Variants in ATP1A3 observed in about 807,000 individuals in gnomAD.
ATP1A3 encodes ATPase Na+/K+ transporting subunit alpha 3.
ATP1A3 carries 12 observed loss-of-function variants against 108.8 expected under a neutral mutation model. The ratio of observed to expected loss-of-function variants is 0.11; its 90% CI spans 0.07 to 0.18. ATP1A3 has a LOEUF of 0.18. Ranked by LOEUF, ATP1A3 falls within the 10% of genes least tolerant of loss-of-function variation. The pLI, the probability that ATP1A3 is intolerant of heterozygous loss-of-function variation, is 1.00. For synonymous variants in ATP1A3, 539 were observed against 564.5 expected, an observed-to-expected ratio of 0.95 and a Z score of 0.64; for missense variants, 498 against 1,387.7, an observed-to-expected ratio of 0.36 and a Z score of 10.19.
At position 41,968,743 on chromosome 19, in the gene ATP1A3, G is replaced by A. The variant is rs979533797; in HGVS notation, c.2819+42C>T. The A allele has an allele frequency of 5.6e-6, 9 of 1,612,314 alleles. No homozygotes were observed. The African/African-American group carries it at 1.2e-4, about 22-fold the overall frequency. ...ACACAGACAGACAGACACTCGGACA[G>A]GACAGATGGCTGTCCAGTCACCATG... On this transcript the variant is annotated intron_variant, in intron 20 of 22. Transcript: ENST00000648268. The surrounding 1 kb of genome is among the most constrained non-coding windows in gnomAD (Gnocchi z 5.0).
At position 41,967,185 on chromosome 19, in the gene ATP1A3, G is replaced by A. The variant is rs1400021897; in HGVS notation, c.3013+64C>T. On this transcript the variant is annotated intron_variant, in intron 22 of 22. Coordinates refer to ENST00000648268, the MANE Select transcript of ATP1A3 (RefSeq NM_152296.5). This position sits in a 1 kb window ranked among gnomAD's most constrained non-coding sequence, Gnocchi z 4.2. ...CATCCAGCAGGGCGAGGGGAGCCTG[G>A]GACCAGCTGCCTGAGACCCTGCTGC... is the stretch of plus-strand genomic sequence containing the variant. The A allele has an allele frequency of 6.2e-7, 1 of 1,610,586 alleles. No individual in the cohort carries two copies. The highest frequency in any genetic ancestry group is 8.5e-7 in the Non-Finnish European group (1 of 1,178,448).
rs1477721590 is a variant in ATP1A3, at chr19:41,988,950, G to A, written c.7-388C>T. Reference sequence around the variant, plus strand: ...TTGTGTTCTGTGTCTATGTGACTTTGTTTTCGTTTTTTGAAACAATGTCTC... The same window carrying A: ...TTGTGTTCTGTGTCTATGTGACTTTATTTTCGTTTTTTGAAACAATGTCTC... On this transcript the variant is annotated intron_variant, in intron 1 of 22. Coordinates refer to ENST00000648268, the MANE Select transcript of ATP1A3 (RefSeq NM_152296.5). The surrounding 1 kb of genome is among the most constrained non-coding windows in gnomAD (Gnocchi z 5.3). Among the ~76,000 whole-genome samples the A allele has an allele frequency of 6.6e-6, 1 of 152,008 alleles. No individual in the cohort carries two copies. The highest frequency in any genetic ancestry group is 1.5e-5 in the Non-Finnish European group (1 of 68,014).
Position 41,976,401 on chromosome 19 carries a change from G to A in ATP1A3, c.2094+15C>T, listed in dbSNP as rs782378908. Reference sequence around the variant, plus strand: ...GTCAAGGCCCCGTCCCCTCCTCTGCGGGAGCGCAGCCCACCTGTCTCTGAC... The same window carrying A: ...GTCAAGGCCCCGTCCCCTCCTCTGCAGGAGCGCAGCCCACCTGTCTCTGAC... On this transcript the variant is annotated intron_variant, in intron 15 of 22. Coordinates refer to ENST00000648268, the MANE Select transcript of ATP1A3 (RefSeq NM_152296.5). The A allele has an allele frequency of 1.2e-5, 20 of 1,613,932 alleles. No homozygotes were observed. In the East Asian group the frequency reaches 1.3e-4, roughly 11 times the overall value.
chr19:41,985,331 G>C lies in ATP1A3; in HGVS notation c.699C>G (p.Thr233=). 2 of 1,614,234 alleles carry C rather than the reference G, an allele frequency of 1.2e-6. No individual in the cohort carries two copies. The highest frequency in any genetic ancestry group is 1.7e-6 in the Non-Finnish European group (2 of 1,180,026). Residue 233 remains threonine, a synonymous_variant, in exon 7 of 23, where the codon ACC becomes ACG. Transcript: ENST00000648268. This position sits in a 1 kb window ranked among gnomAD's most constrained non-coding sequence, Gnocchi z 8.2. ...HDNPLETRNI[T]FFSTNCVEGT... is the part of the protein sequence containing the mutation. ...CTTCCACACAGTTGGTGGAAAAGAA[G>C]GTGATGTTCCGAGTCTCCAAGGGGT...
chr19:41,975,610 C>A lies in ATP1A3; in HGVS notation c.2263+19G>T, dbSNP rs782280497. 1.2e-5 allele frequency: 19 copies of A among 1,613,646 alleles called. No homozygotes were observed. Among genetic ancestry groups the A allele is most frequent in the South Asian group, 1.1e-5 (1 of 91,062 alleles). On this transcript the variant is annotated intron_variant, in intron 16 of 22. Transcript: ENST00000648268. ...CCGGTAGTGACCCTGGTCTCCAGGG[C>A]CACCCCTGGCCAACTCACCCTCCTC...
In ATP1A3 at chr19:41,967,230, C is replaced by T; in HGVS notation, c.3013+19G>A. 2 of 1,614,022 alleles carry T rather than the reference C, an allele frequency of 1.2e-6. No individual in the cohort carries two copies. The highest frequency in any genetic ancestry group is 1.7e-6 in the Non-Finnish European group (2 of 1,179,974). ...TGCTGCCCCCCGCCCCCCTCGGCTGCCTTGCCGAGCTCCCTCACCCCCTGG... is the reference window on the plus strand; with the variant it reads ...TGCTGCCCCCCGCCCCCCTCGGCTGTCTTGCCGAGCTCCCTCACCCCCTGG... On this transcript the variant is annotated intron_variant, in intron 22 of 22. Transcript: ENST00000648268. The surrounding 1 kb of genome is among the most constrained non-coding windows in gnomAD (Gnocchi z 4.2).
rs539928048 is a variant in ATP1A3, at chr19:41,971,616, C to T, written c.2264-1074G>A. ...AACTCCACAGCTGGACCTTGGATCC[C>T]GTGCTGAGTGACACGAGCCAGACAC... On this transcript the variant is annotated intron_variant, in intron 16 of 22. Transcript: ENST00000648268. Among the ~76,000 whole-genome samples the T allele has an allele frequency of 2.0e-3, 302 of 152,282 alleles. 1 individual carries two copies. The highest frequency in any genetic ancestry group is 7.0e-3 in the African/African-American group (292 of 41,558).
At chr19:41,974,411 C>T (rs1429310197) in intron 16 of ATP1A3, among the ~76,000 whole-genome samples, 1 of 152,126 alleles carries the variant, frequency 6.6e-6, no homozygotes, top group Admixed American at 6.5e-5. Context: ...CCACTGCACT[C>T]CATCCTGGGT....
At position 41,976,594 on chromosome 19, in the gene ATP1A3, G is replaced by A. The variant is rs199723439; in HGVS notation, c.1944-28C>T. 1.9e-4 allele frequency: 300 copies of A among 1,613,276 alleles called. 1 individual carries two copies. The highest frequency in any genetic ancestry group is 2.3e-4 in the Non-Finnish European group (268 of 1,179,788). On this transcript the variant is annotated intron_variant, in intron 14 of 22. Transcript: ENST00000648268. The stretch of plus-strand genomic sequence containing the variant: ...GGGAAGAGCAGAGAGAGCGATGGCT[G>A]AGGTCAGGGTGTGTGAGGAGTGGCA...
chr19:41,968,660 A>T lies in ATP1A3; in HGVS notation c.2819+125T>A. ...CACTGAACTCCAGTCTGGGTGACAGAGTGAGACCCTGCCTCAACAAAACAA... is the reference window on the plus strand; with the variant it reads ...CACTGAACTCCAGTCTGGGTGACAGTGTGAGACCCTGCCTCAACAAAACAA... On this transcript the variant is annotated intron_variant, in intron 20 of 22. Coordinates refer to ENST00000648268, the MANE Select transcript of ATP1A3 (RefSeq NM_152296.5). The surrounding 1 kb of genome is among the most constrained non-coding windows in gnomAD (Gnocchi z 5.0). 6.9e-7 allele frequency: 1 copy of T among 1,457,552 alleles called. No homozygotes were observed. The highest frequency in any genetic ancestry group is 9.3e-7 in the Non-Finnish European group (1 of 1,070,022). The allele number at this position is 1,457,552 out of a possible 1,614,324, so 90.3% of individuals were successfully genotyped here.
At chr19:41,969,067 C>A in intron 19 of ATP1A3, 152 bp from the exon 20 acceptor site, 2 of 1,203,580 alleles carry the variant, frequency 1.7e-6, no homozygotes, top group Non-Finnish European at 1.2e-6. Context: ...CTCATAGTCC[C>A]GAGGGAGGAG....
At chr19:41,971,703 A>T (rs2075111549) in intron 16 of ATP1A3, among the ~76,000 whole-genome samples, 1 of 152,178 alleles carries the variant, frequency 6.6e-6, no homozygotes, top group African/African-American at 2.4e-5. Context: ...CTGGGCTAAA[A>T]GTCAGGATAA....
Position 41,967,311 on chromosome 19 carries a change from T to C in ATP1A3, c.2951A>G (p.Tyr984Cys). 1 of 1,611,378 alleles carries C rather than the reference T, an allele frequency of 6.2e-7. No homozygotes were observed. Among genetic ancestry groups the C allele is most frequent in the Non-Finnish European group, 8.5e-7 (1 of 1,179,930 alleles). ...GTCGTAGACGAAGATGAGGAAACTGTAGGGGAAGGCACAGAACCACCAGCT... is the reference window on the plus strand; with the variant it reads ...GTCGTAGACGAAGATGAGGAAACTGCAGGGGAAGGCACAGAACCACCAGCT... ...KPSWWFCAFP[Y>C]SFLIFVYDEI... Residue 984 changes from tyrosine to cysteine, a missense_variant, in exon 22 of 23, where the codon TAC becomes TGC. Coordinates refer to ENST00000648268, the MANE Select transcript of ATP1A3 (RefSeq NM_152296.5). This position sits in a 1 kb window ranked among gnomAD's most constrained non-coding sequence, Gnocchi z 4.2.
chr19:41,975,572 T>A (rs1461355837), intron 16 of ATP1A3, 57 bp downstream of exon 16: 1 of 1,608,438 alleles, frequency 6.2e-7, no homozygotes, highest in Admixed American at 1.7e-5. Context: ...TTCCCCTTGC[T>A]GGTCTCAGGC....
intron 16 of ATP1A3, among the ~76,000 whole-genome samples, chr19:41,972,804 GGGAA>G (rs782125486): frequency 0.14 from 10,778 of 74,774 alleles, 742 homozygotes; most frequent in South Asian, 0.18. Context: ...AGGAAGGAAG[GGGAA>G]GGAAGGAAGG....
At chr19:41,976,292 C>T in intron 15 of ATP1A3, 124 bp downstream of exon 15, 2 of 1,379,330 alleles carry the variant, frequency 1.4e-6, no homozygotes, top group Non-Finnish European at 2.0e-6. Flanking sequence ...AGACCCTCCT[C>T]TCTCAGACCC....
At chr19:41,983,766 A>ATTTTTTTTTTTTTTTTTTTT (rs556483707) in intron 8 of ATP1A3, among the ~76,000 whole-genome samples, 1 of 101,266 alleles carries the variant, frequency 9.9e-6, no homozygotes, top group Non-Finnish European at 2.0e-5. Flanking sequence ...ATTTAAAAAA[A>ATTTTTTTTTTTTTTTTTTTT]TTTTTTTTTT....
In ATP1A3 at chr19:41,968,882, A is replaced by T; in HGVS notation, c.2722T>A (p.Cys908Ser). The change falls in exon 20 of 23, where the codon TGC (cysteine) becomes AGC (serine). Residue 908 changes from cysteine (C) to serine (S), a missense_variant. Cys to Ser is a moderately radical substitution (Grantham distance 112, BLOSUM62 -1). Transcript: ENST00000648268. This position sits in a 1 kb window ranked among gnomAD's most constrained non-coding sequence, Gnocchi z 5.0. ...YEQRKVVEFT[C>S]HTAFFVSIVV... The stretch of plus-strand genomic sequence containing the variant: ...ATGCTCACAAAGAAGGCCGTGTGGC[A>T]GGTGAACTCCACCACCTTCCTCTGC... The T allele has an allele frequency of 6.2e-7, 1 of 1,614,054 alleles. No individual in the cohort carries two copies. Among genetic ancestry groups the T allele is most frequent in the Non-Finnish European group, 8.5e-7 (1 of 1,179,930 alleles).
rs1335748418 is a variant in ATP1A3 at position 41,988,032 on chromosome 19, G to A, written c.261C>T (p.Phe87=). The change falls in exon 4 of 23, where the codon TTC becomes TTT. Residue 87 remains phenylalanine, a synonymous_variant. Transcript: ENST00000648268. The surrounding 1 kb of genome is among the most constrained non-coding windows in gnomAD (Gnocchi z 5.3). ...PEWVKFCRQL[F]GGFSILLWIG... is the part of the protein sequence containing the mutation. ...TCCACAGCAGGATGGAGAAGCCCCC[G>A]AAGAGCTGCCGGCAAAACTTGACCC... is the stretch of plus-strand genomic sequence containing the variant. The A allele has an allele frequency of 6.8e-6, 11 of 1,614,040 alleles. No homozygotes were observed. Among genetic ancestry groups the A allele is most frequent in the African/African-American group, 2.7e-5 (2 of 74,910 alleles).
Sources: allele counts gnomAD v4.1 joint callset (sites outside exome capture counted in the v4.1 genomes callset), GRCh38; gene constraint gnomAD v4.1.1; non-coding constraint Gnocchi (gnomAD v3.1); transcripts MANE v1.5; gene names NCBI Gene and HGNC (gene_info 2026-07-23, HGNC 2026-07-21).